The following CATSPERD variants were observed in gnomAD, a reference collection of about 807,000 sequenced individuals.
CATSPERD encodes the protein catsper channel auxiliary subunit delta, also known as cation channel sperm-associated auxiliary subunit delta.
A neutral mutation model predicts 98.1 loss-of-function variants in CATSPERD; 86 were observed. The observed-to-expected ratio is 0.88, with a 90% CI of 0.74 to 1.05. CATSPERD has a LOEUF of 1.05. Ranked by LOEUF, CATSPERD falls within the 50% of genes least tolerant of loss-of-function variation. The probability of loss-of-function intolerance (pLI) is 0.00; values close to 1 mark genes in which losing one functional copy is unlikely to be tolerated. For missense variants in CATSPERD, 995 were observed against 1,005.7 expected (o/e 0.99, Z 0.14); for synonymous variants, 394 against 390.2 (o/e 1.01, Z -0.12).
chr19:5,729,634 A>G (rs763271037), intron 3 of CATSPERD, among the ~76,000 whole-genome samples: 2 of 152,186 alleles, frequency 1.3e-5, no homozygotes, highest in Non-Finnish European at 2.9e-5. Context: ...CTGCCACTCA[A>G]TGTACATTTT....
Position 5,742,323 on chromosome 19 carries a change from C to T in CATSPERD, c.574-2104C>T, listed in dbSNP as rs150825977. On this transcript the variant is annotated intron_variant, in intron 7 of 21. Transcript: ENST00000381624. ...GTATGTGAATGTGTGTGTGGGTGTG[C>T]GTGTGCATGTGTGTACATGTGTGTG... Among the ~76,000 whole-genome samples the T allele has an allele frequency of 4.2e-3, 534 of 126,418 alleles. 10 individuals carry two copies. The highest frequency in any genetic ancestry group is 7.9e-3 in the Non-Finnish European group (440 of 55,640). 82.9% of individuals were successfully genotyped at this position (126,418 alleles called of 152,430 possible).
chr19:5,750,107 ACT>A lies in CATSPERD; in HGVS notation c.987+927_987+928del, dbSNP rs200451879. 1.3e-4 allele frequency among the ~76,000 whole-genome samples: 19 copies of A among 148,494 alleles called. No homozygotes were observed. The South Asian group carries it at 1.3e-3, about 10-fold the overall frequency. ...TCGTGAGCCACCGCGCCCGGCCGAA[ACT>A]CTGTTTCTTAAAAATAATAATAAAA... is the stretch of plus-strand genomic sequence containing the variant. On this transcript the variant is annotated intron_variant, in intron 11 of 21. Transcript: ENST00000381624.
rs530556899 is a variant in CATSPERD, at chr19:5,772,285, C to T, written c.1764-503C>T. 47 of 215,290 alleles carry T rather than the reference C, an allele frequency of 2.2e-4. 1 individual carries two copies. The highest frequency in any genetic ancestry group is 7.4e-4 in the South Asian group (19 of 25,616). 13.3% of individuals were successfully genotyped at this position (215,290 alleles called of 1,614,324 possible). On this transcript the variant is annotated intron_variant, in intron 19 of 21. Coordinates refer to ENST00000381624, the MANE Select transcript of CATSPERD (RefSeq NM_152784.4). ...CTCTGTCGCCCAGGCTGGAGTGCAG[C>T]GGTGTGATCTTGGCTCACCGCAAGC...
At chr19:5,737,793 C>T (rs1599528116) in intron 6 of CATSPERD, among the ~76,000 whole-genome samples, 1 of 142,160 alleles carries the variant, frequency 7.0e-6, no homozygotes, top group Non-Finnish European at 1.5e-5. Context: ...GAGGCTGCAG[C>T]GAGCTGAGAT....
At chr19:5,732,738 C>A (rs1190256171) in intron 4 of CATSPERD, among the ~76,000 whole-genome samples, 1 of 151,954 alleles carries the variant, frequency 6.6e-6, no homozygotes, top group Non-Finnish European at 1.5e-5. Context: ...TGCAGTGGTG[C>A]AATCTCGGCT....
At chr19:5,750,450 CA>C (rs60496454) in intron 11 of CATSPERD, among the ~76,000 whole-genome samples, 4,185 of 48,310 alleles carry the variant, frequency 0.087, 32 homozygotes, top group African/African-American at 0.17. Context: ...GACTCTGTCT[CA>C]AAAAAAAAAA....
intron 13 of CATSPERD, among the ~76,000 whole-genome samples, chr19:5,756,978 G>A (rs148186673): frequency 0.027 from 4,082 of 151,496 alleles, 92 homozygotes; most frequent in Non-Finnish European, 0.032. Flanking sequence ...GGCCAGGTGC[G>A]GTGGCTCACG....
intron 4 of CATSPERD, among the ~76,000 whole-genome samples, chr19:5,732,587 C>T (rs1485016916): frequency 3.3e-5 from 5 of 152,098 alleles, no homozygotes; most frequent in African/African-American, 1.2e-4. Flanking sequence ...CGCCCGCCAC[C>T]ACGCCCGGCT....
chr19:5,734,319 A>G (rs972308665), intron 5 of CATSPERD, among the ~76,000 whole-genome samples: 2 of 152,200 alleles, frequency 1.3e-5, no homozygotes, highest in African/African-American at 4.8e-5. Context: ...CCTGACCAAC[A>G]TGGCGAAACC....
At chr19:5,739,126 G>C (rs575648272) in intron 6 of CATSPERD, among the ~76,000 whole-genome samples, 200 bp from the exon 7 acceptor site, 3 of 151,170 alleles carry the variant, frequency 2.0e-5, no homozygotes, top group Non-Finnish European at 4.4e-5. Context: ...CGGCCTCCCA[G>C]AGTGCTGGGA....
chr19:5,759,673 T>G (rs1406218810), intron 15 of CATSPERD, among the ~76,000 whole-genome samples: 1 of 151,322 alleles, frequency 6.6e-6, no homozygotes, highest in Non-Finnish European at 1.5e-5. Flanking sequence ...AGCAGCGTGA[T>G]TCACAACAGT....
At chr19:5,766,051 C>G (rs371916967) in intron 16 of CATSPERD, 52 bp from the exon 17 acceptor site, 6 of 1,449,004 alleles carry the variant, frequency 4.1e-6, no homozygotes, top group Non-Finnish European at 5.8e-6. Flanking sequence ...TTCACTGTGT[C>G]CGGGTGACCC....
rs1892867295 is a variant in CATSPERD at position 5,762,979 on chromosome 19, G to C, written c.1428-236G>C. On this transcript the variant is annotated intron_variant, in intron 15 of 21. Coordinates refer to ENST00000381624, the MANE Select transcript of CATSPERD (RefSeq NM_152784.4). ...TGGATGAGTGGATGGATGGATGGGT[G>C]GGTGGATGGAATGGATGGATAAATG... Among the ~76,000 whole-genome samples, 4 of 151,514 alleles carry C rather than the reference G, an allele frequency of 2.6e-5. No homozygotes were observed. The South Asian group carries it at 8.4e-4, about 32-fold the overall frequency.
intron 13 of CATSPERD, among the ~76,000 whole-genome samples, chr19:5,755,205 T>C (rs1347060925): frequency 6.6e-6 from 1 of 152,044 alleles, no homozygotes; most frequent in Non-Finnish European, 1.5e-5. Context: ...CTGACCCCTA[T>C]GGCCTTCCCC....
In CATSPERD at chr19:5,737,217, T is replaced by C; in HGVS notation, c.459+12T>C. The stretch of plus-strand genomic sequence containing the variant: ...GTTTGTTTTGTGTGGTAAGTATAAG[T>C]GTATAATTGTTCATTTTTTTTTGCT... On this transcript the variant is annotated intron_variant, in intron 6 of 21. Transcript: ENST00000381624. 1 of 1,574,648 alleles carries C rather than the reference T, an allele frequency of 6.4e-7. No individual in the cohort carries two copies. Among genetic ancestry groups the C allele is most frequent in the Non-Finnish European group, 8.7e-7 (1 of 1,145,220 alleles).
At chr19:5,745,166 C>T (rs1387940243) in intron 8 of CATSPERD, among the ~76,000 whole-genome samples, 1 of 151,656 alleles carries the variant, frequency 6.6e-6, no homozygotes, top group Non-Finnish European at 1.5e-5. Context: ...TGGTCTCAAA[C>T]TCCTGACCTC....
At chr19:5,757,339 C>G (rs1452853904) in intron 13 of CATSPERD, among the ~76,000 whole-genome samples, 1 of 150,500 alleles carries the variant, frequency 6.6e-6, no homozygotes, top group Non-Finnish European at 1.5e-5. Flanking sequence ...CTCTTGTTAC[C>G]CAGGCGGGAG....
intron 4 of CATSPERD, among the ~76,000 whole-genome samples, chr19:5,732,262 C>T (rs1036067177): frequency 1.3e-5 from 2 of 152,078 alleles, no homozygotes; most frequent in Non-Finnish European, 2.9e-5. Context: ...TGAGCCACCA[C>T]GCCCAGCTTC....
intron 4 of CATSPERD, among the ~76,000 whole-genome samples, chr19:5,730,567 A>AATAAATAAATAC (rs1319800002): frequency 2.0e-5 from 3 of 150,996 alleles, no homozygotes; most frequent in East Asian, 3.9e-4. Context: ...AAATAAAATA[A>AATAAATAAATAC]ATAAATAAAT....
Sources: gnomAD v4.1 joint callset for allele counts (sites outside exome capture counted in the v4.1 genomes callset) on GRCh38, gnomAD v4.1.1 for gene constraint, MANE v1.5 for transcripts, NCBI Gene and HGNC (gene_info 2026-07-23, HGNC 2026-07-21) for gene names.